The following ANKS1B variants were observed in gnomAD, a reference collection of about 807,000 sequenced individuals.
ANKS1B encodes the protein ankyrin repeat and sterile alpha motif domain containing 1B.
ANKS1B carries 36 observed loss-of-function variants against 148.3 expected under a neutral mutation model. The ratio of observed to expected loss-of-function variants is 0.24; its 90% CI spans 0.19 to 0.32. ANKS1B has a LOEUF of 0.32. Ranked by LOEUF, ANKS1B falls within the 10% of genes least tolerant of loss-of-function variation. ANKS1B has a pLI of 1.00. For missense variants in ANKS1B, 1,157 were observed against 1,542.6 expected (o/e 0.75, Z 4.19); for synonymous variants, 542 against 560.8 (o/e 0.97, Z 0.47).
intron 12 of ANKS1B, among the ~76,000 whole-genome samples, chr12:99,327,789 T>G (rs1171358632): frequency 1.9e-4 from 29 of 151,726 alleles, no homozygotes; most frequent in Admixed American, 1.9e-3. Context: ...AGAAAAGTAT[T>G]AAAATGAATA....
At chr12:99,472,192 T>C (rs1471884610) in intron 10 of ANKS1B, among the ~76,000 whole-genome samples, 1 of 152,220 alleles carries the variant, frequency 6.6e-6, no homozygotes, top group Non-Finnish European at 1.5e-5. Flanking sequence ...CTCTAATTTG[T>C]AGGTCTTTTT....
chr12:98,843,789 T>C (rs2099426872), intron 17 of ANKS1B, among the ~76,000 whole-genome samples: 1 of 152,204 alleles, frequency 6.6e-6, no homozygotes, highest in Non-Finnish European at 1.5e-5. Flanking sequence ...CACTGAATCT[T>C]AACATAAGTA....
intron 9 of ANKS1B, among the ~76,000 whole-genome samples, chr12:99,653,504 A>AGGTAAAAACATG (rs2098435166): frequency 6.6e-6 from 1 of 152,180 alleles, no homozygotes; most frequent in Non-Finnish European, 1.5e-5. Flanking sequence ...TGTAGATATG[A>AGGTAAAAACATG]GGTAAAAAAC....
chr12:99,472,981 T>G (rs966015132), intron 10 of ANKS1B, among the ~76,000 whole-genome samples: 7 of 152,094 alleles, frequency 4.6e-5, no homozygotes, highest in African/African-American at 1.2e-4. Flanking sequence ...TTACTTTGAT[T>G]TACTTATATT....
chr12:98,850,544 T>C (rs1320531310), intron 17 of ANKS1B, among the ~76,000 whole-genome samples: 1 of 137,236 alleles, frequency 7.3e-6, no homozygotes, highest in African/African-American at 2.8e-5. Flanking sequence ...CTCGGCTCAC[T>C]GCAACCTCTG....
chr12:99,956,215 T>G (rs1339523816), intron 1 of ANKS1B, among the ~76,000 whole-genome samples: 1 of 150,638 alleles, frequency 6.6e-6, no homozygotes, highest in African/African-American at 2.4e-5. Flanking sequence ...GAGGCAGAGG[T>G]TGCAGTGAGC....
At chr12:99,037,010 AT>A (rs1298336949) in intron 17 of ANKS1B, among the ~76,000 whole-genome samples, 11 of 152,234 alleles carry the variant, frequency 7.2e-5, no homozygotes, top group African/African-American at 2.7e-4. Flanking sequence ...GATGCATCTT[AT>A]AATAGATGGT....
chr12:99,893,882 T>C (rs572832837), intron 1 of ANKS1B, among the ~76,000 whole-genome samples: 53 of 152,228 alleles, frequency 3.5e-4, no homozygotes, highest in South Asian at 6.2e-4. Flanking sequence ...CCTTATCCAA[T>C]CCACCACTGA....
intron 17 of ANKS1B, among the ~76,000 whole-genome samples, chr12:98,955,075 T>C (rs1356711657): frequency 6.6e-6 from 1 of 152,132 alleles, no homozygotes; most frequent in Non-Finnish European, 1.5e-5. Flanking sequence ...AATCACGCAT[T>C]AAAATGAATG....
chr12:99,659,464 G>A (rs1019265567), intron 8 of ANKS1B, among the ~76,000 whole-genome samples: 10 of 152,136 alleles, frequency 6.6e-5, no homozygotes, highest in East Asian at 1.9e-4. Flanking sequence ...GTTATTACAC[G>A]GTAATAAAGA....
At chr12:99,062,295 A>T (rs2042702673) in intron 16 of ANKS1B, among the ~76,000 whole-genome samples, 1 of 152,232 alleles carries the variant, frequency 6.6e-6, no homozygotes, top group African/African-American at 2.4e-5. Context: ...AGGAGAATTT[A>T]GCACAATACT....
intron 15 of ANKS1B, among the ~76,000 whole-genome samples, chr12:99,116,431 T>C (rs540239935): frequency 4.3e-4 from 65 of 152,254 alleles, no homozygotes; most frequent in Non-Finnish European, 7.1e-4. Flanking sequence ...CATCATAGGA[T>C]TGTGGTGATC....
intron 16 of ANKS1B, among the ~76,000 whole-genome samples, chr12:99,076,035 C>T (rs1326066802): frequency 6.6e-6 from 1 of 151,896 alleles, no homozygotes; most frequent in East Asian, 1.9e-4. Context: ...AGGGCAAGGG[C>T]TTCATCTATA....
At chr12:99,736,544 G>T (rs1601008955) in intron 8 of ANKS1B, among the ~76,000 whole-genome samples, 5 of 152,006 alleles carry the variant, frequency 3.3e-5, no homozygotes, top group Admixed American at 6.6e-5. Flanking sequence ...CCAAGGAGGT[G>T]AAAGACATCT....
intron 24 of ANKS1B, among the ~76,000 whole-genome samples, chr12:98,777,394 A>G (rs1209303826): frequency 1.3e-5 from 2 of 152,194 alleles, no homozygotes; most frequent in African/African-American, 4.8e-5. Flanking sequence ...ATTTAGCCAG[A>G]TGGGAAGGCT....
At chr12:99,933,915 CTATTCCAAG>C (rs1477393595) in intron 1 of ANKS1B, among the ~76,000 whole-genome samples, 2 of 152,086 alleles carry the variant, frequency 1.3e-5, no homozygotes, top group African/African-American at 4.8e-5. Flanking sequence ...TATGTTCCTT[CTATTCCAAG>C]TGTTTTGAGG....
At chr12:98,987,690 T>G (rs1257944080) in intron 17 of ANKS1B, among the ~76,000 whole-genome samples, 1 of 150,862 alleles carries the variant, frequency 6.6e-6, no homozygotes, top group African/African-American at 2.4e-5. Flanking sequence ...TTGGGACCGG[T>G]CACAGAACTC....
intron 1 of ANKS1B, among the ~76,000 whole-genome samples, chr12:99,941,894 CAGA>C (rs2094929246): frequency 2.6e-5 from 4 of 152,128 alleles, no homozygotes; most frequent in Admixed American, 2.6e-4. Context: ...AAGAACAAAA[CAGA>C]AGAAGGTGGA....
At chr12:99,088,557 T>A (rs117124992) in intron 15 of ANKS1B, among the ~76,000 whole-genome samples, 4,247 of 147,552 alleles carry the variant, frequency 0.029, 75 homozygotes, top group Non-Finnish European at 0.038. Context: ...GAATATATAT[T>A]TTTTTTTGAC....
Sources: allele counts gnomAD v4.1 joint callset (sites outside exome capture counted in the v4.1 genomes callset), GRCh38; gene constraint gnomAD v4.1.1; transcripts MANE v1.5; gene names NCBI Gene and HGNC (gene_info 2026-07-23, HGNC 2026-07-21).